DCC: variants seen among roughly 807,000 people sequenced by gnomAD.
DCC encodes netrin receptor DCC.
DCC carries 58 observed loss-of-function variants against 172.5 expected under a neutral mutation model. That is an observed-to-expected ratio of 0.34 (90% CI 0.27 to 0.42). The LOEUF is 0.42. Ranked by LOEUF, DCC falls within the 10% of genes least tolerant of loss-of-function variation. DCC has a pLI of 1.00. For missense variants in DCC, 1,740 were observed against 1,791.0 expected (o/e 0.97, Z 0.51); for synonymous variants, 709 against 644.5 (o/e 1.10, Z -1.52).
chr18:53,095,008 T>G (rs548733583), intron 7 of DCC, among the ~76,000 whole-genome samples: 50 of 152,306 alleles, frequency 3.3e-4, no homozygotes, highest in Middle Eastern at 3.4e-3. Context: ...CTACACATTT[T>G]GAGAGTGCAA....
intron 1 of DCC, among the ~76,000 whole-genome samples, chr18:52,710,971 G>A (rs1226710673): frequency 6.6e-6 from 1 of 152,104 alleles, no homozygotes; most frequent in South Asian, 2.1e-4. Flanking sequence ...GGAGAGAGTT[G>A]GTCTCTAGGA....
At chr18:52,714,180 A>G (rs986093254) in intron 1 of DCC, among the ~76,000 whole-genome samples, 20 of 152,210 alleles carry the variant, frequency 1.3e-4, no homozygotes, top group Non-Finnish European at 1.9e-4. Flanking sequence ...CAGAACAAAG[A>G]TGCTGAGCCA....
At chr18:52,917,911 G>A (rs12607356) in intron 3 of DCC, among the ~76,000 whole-genome samples, 58,075 of 151,974 alleles carry the variant, frequency 0.38, 11,677 homozygotes, top group Non-Finnish European at 0.46. Flanking sequence ...GTACATTTAC[G>A]TTCATGAGCA....
At chr18:52,488,460 A>G (rs1176124112) in intron 1 of DCC, among the ~76,000 whole-genome samples, 1 of 152,116 alleles carries the variant, frequency 6.6e-6, no homozygotes, top group African/African-American at 2.4e-5. Flanking sequence ...TATGATGAGG[A>G]AATAGAATAT....
intron 5 of DCC, among the ~76,000 whole-genome samples, chr18:52,939,046 A>G (rs1017173545): frequency 6.6e-6 from 1 of 152,074 alleles, no homozygotes; most frequent in African/African-American, 2.4e-5. Context: ...TTTTTCTTAG[A>G]CTAAACTACA....
At chr18:53,314,928 A>G (rs2057326037) in intron 13 of DCC, among the ~76,000 whole-genome samples, 1 of 152,136 alleles carries the variant, frequency 6.6e-6, no homozygotes, top group African/African-American at 2.4e-5. Context: ...CTTTGGGGAA[A>G]TACTTACAAT....
intron 2 of DCC, among the ~76,000 whole-genome samples, chr18:52,887,706 T>C (rs1044840133): frequency 1.3e-5 from 2 of 151,330 alleles, no homozygotes; most frequent in Non-Finnish European, 2.9e-5. Flanking sequence ...CTTCTAGATA[T>C]TTTTTCCCTC....
At position 52,751,203 on chromosome 18, in the gene DCC, G is replaced by C. The variant is rs539834123; in HGVS notation, c.92-851G>C. ...AAGTATACACCTGTCTGAGCAAATGGTGGAGCCAATGACCTCCTGAAACCT... is the reference window on the plus strand; with the variant it reads ...AAGTATACACCTGTCTGAGCAAATGCTGGAGCCAATGACCTCCTGAAACCT... On this transcript the variant is annotated intron_variant, in intron 1 of 28. Coordinates refer to ENST00000442544, the MANE Select transcript of DCC (RefSeq NM_005215.4). Among the ~76,000 whole-genome samples the C allele has an allele frequency of 3.3e-5, 5 of 152,310 alleles. No homozygotes were observed. The East Asian group carries it at 9.6e-4, about 29-fold the overall frequency.
rs913873094 is a variant in DCC at position 52,459,890 on chromosome 18, TATATATATACACAC to T, written c.91+119036_91+119049del. On this transcript the variant is annotated intron_variant, in intron 1 of 28. Coordinates refer to ENST00000442544, the MANE Select transcript of DCC (RefSeq NM_005215.4). ...TATGGCTGCATAGTATTCATATATA[TATATATATACACAC>T]ATATATATACACACATATATATATA... Among the ~76,000 whole-genome samples the T allele has an allele frequency of 4.6e-5, 7 of 151,238 alleles. No homozygotes were observed. In the East Asian group the frequency reaches 7.8e-4, roughly 17 times the overall value.
At chr18:53,276,478 A>G (rs2056807764) in intron 12 of DCC, among the ~76,000 whole-genome samples, 6 of 152,314 alleles carry the variant, frequency 3.9e-5, no homozygotes, top group Admixed American at 3.3e-4. Context: ...TCTGGAAAAT[A>G]AGCACAAAAC....
chr18:52,481,605 A>T (rs1034512281), intron 1 of DCC, among the ~76,000 whole-genome samples: 1 of 152,070 alleles, frequency 6.6e-6, no homozygotes, highest in Admixed American at 6.6e-5. Flanking sequence ...GTGCATACAT[A>T]AAGAGTCTAC....
chr18:52,821,979 A>G (rs1218705026), intron 2 of DCC, among the ~76,000 whole-genome samples: 1 of 152,228 alleles, frequency 6.6e-6, no homozygotes, highest in African/African-American at 2.4e-5. Flanking sequence ...GATGTTTCTT[A>G]CCTTTAGTCT....
intron 2 of DCC, among the ~76,000 whole-genome samples, chr18:52,813,646 G>A (rs1413136254): frequency 4.6e-5 from 7 of 152,150 alleles, no homozygotes; most frequent in Non-Finnish European, 1.0e-4. Flanking sequence ...CATCATTCTT[G>A]GTATATCTGT....
chr18:52,739,399 C>G (rs774680896), intron 1 of DCC, among the ~76,000 whole-genome samples: 1 of 152,050 alleles, frequency 6.6e-6, no homozygotes, highest in East Asian at 1.9e-4. Flanking sequence ...CTGAAATAGG[C>G]AAGGGTTCCC....
chr18:53,526,833 A>T, intron 28 of DCC, 74 bp downstream of exon 28: 2 of 1,411,348 alleles, frequency 1.4e-6, no homozygotes, highest in Non-Finnish European at 2.0e-6. Context: ...ATCTAAACCA[A>T]TGAGTACTGT....
At chr18:53,353,757 T>C (rs1165505687) in intron 15 of DCC, among the ~76,000 whole-genome samples, 3 of 152,226 alleles carry the variant, frequency 2.0e-5, no homozygotes, top group Admixed American at 2.0e-4. Flanking sequence ...ACAAAACTAT[T>C]GCACTTGTTC....
intron 12 of DCC, among the ~76,000 whole-genome samples, chr18:53,263,681 A>G (rs2056633065): frequency 1.3e-5 from 2 of 152,138 alleles, no homozygotes; most frequent in South Asian, 2.1e-4. Context: ...GTTCTGTACT[A>G]AAGTTGTGCA....
intron 25 of DCC, among the ~76,000 whole-genome samples, chr18:53,471,920 T>G (rs2045701257): frequency 1.3e-5 from 2 of 152,194 alleles, no homozygotes; most frequent in African/African-American, 4.8e-5. Flanking sequence ...TTGCTTCCTG[T>G]ATTTTAATAT....
chr18:53,130,339 C>T (rs1005173297), intron 7 of DCC, among the ~76,000 whole-genome samples: 1 of 152,122 alleles, frequency 6.6e-6, no homozygotes, highest in Non-Finnish European at 1.5e-5. Context: ...AACACATCCT[C>T]TTATCTTTCA....
Sources: gnomAD v4.1 joint callset for allele counts (sites outside exome capture counted in the v4.1 genomes callset) on GRCh38, gnomAD v4.1.1 for gene constraint, MANE v1.5 for transcripts, NCBI Gene and HGNC (gene_info 2026-07-23, HGNC 2026-07-21) for gene names.